The following GPAT2 variants were observed in gnomAD, a reference collection of about 807,000 sequenced individuals.
GPAT2 encodes glycerol-3-phosphate acyltransferase 2, mitochondrial, also known as 1-acylglycerol-3-phosphate O-acyltransferase GPAT2.
GPAT2 carries 51 observed loss-of-function variants against 71.0 expected under a neutral mutation model. The ratio of observed to expected loss-of-function variants is 0.72; its 90% confidence interval spans 0.57 to 0.91. The LOEUF is 0.91. GPAT2 is among the 40% of genes least tolerant of loss of function. The pLI is 0.00. For synonymous variants in GPAT2, 222 were observed against 290.3 expected, an observed-to-expected ratio of 0.76 and a Z score of 2.39; for missense variants, 511 against 666.0, an observed-to-expected ratio of 0.77 and a Z score of 2.56.
At position 96,032,383 on chromosome 2, in the gene GPAT2, C is replaced by A; in HGVS notation, c.-24G>T. Reference sequence around the variant, plus strand: ...ATGAGAGCCTAGAAGAACCATGAACCAGTCACCTCTGGCACTCTCCTTCTC... The same window carrying A: ...ATGAGAGCCTAGAAGAACCATGAACAAGTCACCTCTGGCACTCTCCTTCTC... On this transcript the variant is annotated 5_prime_UTR_variant, in exon 2 of 22. Coordinates refer to ENST00000434632, the MANE Select transcript of GPAT2 (RefSeq NM_001321527.2). The A allele has an allele frequency of 1.8e-6, 2 of 1,138,912 alleles. No individual in the cohort carries two copies. Among genetic ancestry groups the A allele is most frequent in the African/African-American group, 2.2e-5 (1 of 45,276 alleles). 70.6% of individuals were successfully genotyped at this position (1,138,912 alleles called of 1,614,324 possible). A position where few individuals can be genotyped will look rare whatever the true frequency, so the allele number is the denominator to read the frequency against.
At chr2:96,022,599 G>A in intron 21 of GPAT2, 69 bp downstream of exon 21, 1 of 1,502,456 alleles carries the variant, frequency 6.7e-7, no homozygotes, top group Non-Finnish European at 9.3e-7. Context: ...GACATAGCTG[G>A]GTTTCCCTGA....
intron 13 of GPAT2, 160 bp from the exon 14 acceptor site, chr2:96,025,003 A>C (rs1476393825): frequency 1.2e-6 from 1 of 822,950 alleles, no homozygotes; most frequent in South Asian, 1.6e-5. Flanking sequence ...ACAGGCTGAG[A>C]GCAGGCCAGG....
chr2:96,023,445 G>A lies in GPAT2; in HGVS notation c.1915-5C>T. 2 of 1,613,866 alleles carry A rather than the reference G, an allele frequency of 1.2e-6. No individual in the cohort carries two copies. The highest frequency in any genetic ancestry group is 1.7e-6 in the Non-Finnish European group (2 of 1,180,016). ...GGCTGGCCGGGAGCCTGGGGTCTAGGGGCCGTGGAGCCATTGTTCTCTGAC... is the reference window on the plus strand; with the variant it reads ...GGCTGGCCGGGAGCCTGGGGTCTAGAGGCCGTGGAGCCATTGTTCTCTGAC... On this transcript the variant is annotated splice_region_variant and splice_polypyrimidine_tract_variant and intron_variant, in intron 17 of 21. Transcript: ENST00000434632.
chr2:96,023,513 T>A (rs1367115246), intron 17 of GPAT2, 73 bp from the exon 18 acceptor site: 9 of 1,522,214 alleles, frequency 5.9e-6, no homozygotes, highest in Non-Finnish European at 8.2e-6. Context: ...ACCAGGTACA[T>A]GCAGGTGAAA....
At position 96,024,633 on chromosome 2, in the gene GPAT2, A is replaced by G. The variant is rs545394309; in HGVS notation, c.1481T>C (p.Ile494Thr). The change falls in exon 15 of 22, where the codon ATA (isoleucine) becomes ACA (threonine). Residue 494 changes from isoleucine to threonine, a missense_variant. Coordinates refer to ENST00000434632, the MANE Select transcript of GPAT2 (RefSeq NM_001321527.2). ...LGEFSWLTEE[I>T]LLRGFDVGFS... ...GCCTACATCAAAGCCACGCAACAGT[A>G]TCTCCTCCGTCAGCCAGGAGAACTC... 14 of 1,613,790 alleles carry G rather than the reference A, an allele frequency of 8.7e-6. No individual in the cohort carries two copies. In the African/African-American group the frequency reaches 9.3e-5, roughly 11 times the overall value.
intron 20 of GPAT2, 54 bp from the exon 21 acceptor site, chr2:96,022,777 G>A (rs2104593929): frequency 6.2e-7 from 1 of 1,613,958 alleles, no homozygotes; most frequent in South Asian, 1.1e-5. Flanking sequence ...AGAGCCACTG[G>A]GCACAGGCTT....
rs1679733217 is a variant in GPAT2 at position 96,022,089 on chromosome 2, A to G, written c.*70T>C. The G allele has an allele frequency of 6.4e-7, 1 of 1,557,604 alleles. No individual in the cohort carries two copies. The highest frequency in any genetic ancestry group is 8.7e-7 in the Non-Finnish European group (1 of 1,152,980). On this transcript the variant is annotated 3_prime_UTR_variant, in exon 22 of 22. Transcript: ENST00000434632. ...GCTAAGGGTTTGCAGCCTCCTCTCC[A>G]TCTTCTGGCTCTAGGACACAGCTGT... is the stretch of plus-strand genomic sequence containing the variant.
chr2:96,033,975 A>C (rs1277884748), intron 1 of GPAT2, among the ~76,000 whole-genome samples: 1 of 151,476 alleles, frequency 6.6e-6, no homozygotes, highest in Non-Finnish European at 1.5e-5. Context: ...ATATATACAC[A>C]CACATATATA....
At position 96,024,763 on chromosome 2, in the gene GPAT2, C is replaced by T; in HGVS notation, c.1428+10G>A. On this transcript the variant is annotated intron_variant, in intron 14 of 21. Coordinates refer to ENST00000434632, the MANE Select transcript of GPAT2 (RefSeq NM_001321527.2). ...CACCGCCCAGGTCCCCACCACATTG[C>T]ACCCCCTACCTTCTGATGCTTGAAG... is the stretch of plus-strand genomic sequence containing the variant. The T allele has an allele frequency of 1.9e-6, 3 of 1,613,964 alleles. No individual in the cohort carries two copies. The highest frequency in any genetic ancestry group is 1.1e-5 in the South Asian group (1 of 91,080).
intron 21 of GPAT2, 109 bp downstream of exon 21, chr2:96,022,559 A>G (rs531103300): frequency 2.5e-4 from 288 of 1,152,446 alleles, no homozygotes; most frequent in Non-Finnish European, 3.5e-4. Context: ...TTAATGAGGC[A>G]CCATCAGGCC....
rs772964292 is a variant in GPAT2, at chr2:96,022,981, G to A, written c.2210C>T (p.Thr737Ile). The change falls in exon 20 of 22, where the codon ACC becomes ATC. Residue 737 changes from threonine to isoleucine, a missense_variant. Coordinates refer to ENST00000434632, the MANE Select transcript of GPAT2 (RefSeq NM_001321527.2). ...ACCGAAGATCCCTTCTTCCTGGGCG[G>A]TGGCCTGCAGGAACTGGAACAGCTG... is the stretch of plus-strand genomic sequence containing the variant. The part of the protein sequence containing the change: ...TEQLFQFLQA[T>I]AQEEGIFECA... The A allele has an allele frequency of 2.7e-5, 43 of 1,613,824 alleles. No homozygotes were observed. The highest frequency in any genetic ancestry group is 3.3e-4 in the Middle Eastern group (2 of 6,078).
rs1306277545 is a variant in GPAT2 at position 96,024,418 on chromosome 2, A to G, written c.1687+9T>C. 3 of 1,613,292 alleles carry G rather than the reference A, an allele frequency of 1.9e-6. No individual in the cohort carries two copies. Among genetic ancestry groups the G allele is most frequent in the Non-Finnish European group, 2.5e-6 (3 of 1,179,458 alleles). On this transcript the variant is annotated intron_variant, in intron 15 of 21. Coordinates refer to ENST00000434632, the MANE Select transcript of GPAT2 (RefSeq NM_001321527.2). ...ACATCCCACCTACCCCGTGCACCTCAAGACTCACCGCCCACAGCCTCGCTC... is the reference window on the plus strand; with the variant it reads ...ACATCCCACCTACCCCGTGCACCTCGAGACTCACCGCCCACAGCCTCGCTC...
rs370880365 is a variant in GPAT2, at chr2:96,024,165, A to G, written c.1836+24T>C. 20 of 1,496,892 alleles carry G rather than the reference A, an allele frequency of 1.3e-5. No individual in the cohort carries two copies. In the African/African-American group the frequency reaches 2.8e-4, roughly 21 times the overall value. 92.7% of individuals were successfully genotyped at this position (1,496,892 alleles called of 1,614,324 possible). On this transcript the variant is annotated intron_variant, in intron 16 of 21. Coordinates refer to ENST00000434632, the MANE Select transcript of GPAT2 (RefSeq NM_001321527.2). ...ACCAAGAGGGGAAGGCCTAGGACCA[A>G]GTGGGCCGTAGGGGAGGCCTGACCT...
Position 96,025,992 on chromosome 2 carries a change from T to G in GPAT2, c.1176A>C (p.Arg392Ser). The G allele has an allele frequency of 6.2e-7, 1 of 1,612,788 alleles. No homozygotes were observed. The highest frequency in any genetic ancestry group is 8.5e-7 in the Non-Finnish European group (1 of 1,179,784). Residue 392 changes from arginine to serine, a missense_variant, in exon 12 of 22, where the codon AGA (arginine) becomes AGC (serine). By Grantham distance (110) the Arg-to-Ser change is moderately radical. Around this residue, in one of 7 missense-constraint regions of GPAT2, gnomAD observed 79 missense variants for 111.4 expected, o/e 0.71. Coordinates refer to ENST00000434632, the MANE Select transcript of GPAT2 (RefSeq NM_001321527.2). Reference protein sequence around the residue: ...FSLQEYIVSARSCWGGRQTLE... With the variant: ...FSLQEYIVSASSCWGGRQTLE... Reference sequence around the variant, plus strand: ...GGGTCTGTCTGCCGCCCCAGCAGCTTCTGGCACTGACGATGTATTCCTGCC... The same window carrying G: ...GGGTCTGTCTGCCGCCCCAGCAGCTGCTGGCACTGACGATGTATTCCTGCC...
intron 10 of GPAT2, 155 bp from the exon 11 acceptor site, chr2:96,026,460 G>A: frequency 3.4e-6 from 2 of 593,532 alleles, no homozygotes; most frequent in Non-Finnish European, 5.1e-6. Context: ...CTTGTCCCAA[G>A]CTCCTCTTTC....
intron 1 of GPAT2, 76 bp from the exon 2 acceptor site, chr2:96,032,495 A>AC: frequency 2.1e-6 from 2 of 931,174 alleles, no homozygotes; most frequent in African/African-American, 3.0e-5. Context: ...GGTAACTGCA[A>AC]CCCCCCATCA....
At chr2:96,026,050 C>G (rs1440397527) in intron 11 of GPAT2, 38 bp from the exon 12 acceptor site, 3 of 1,608,986 alleles carry the variant, frequency 1.9e-6, no homozygotes, top group Non-Finnish European at 2.5e-6. Context: ...CTGCTCGGGC[C>G]CACCAGGAAA....
chr2:96,024,625 G>T lies in GPAT2; in HGVS notation c.1489C>A (p.Arg497Ser), dbSNP rs761549572. Reference protein sequence around the residue: ...FSWLTEEILLRGFDVGFSGQL... With the variant: ...FSWLTEEILLSGFDVGFSGQL... ...CCAGAGAAGCCTACATCAAAGCCAC[G>T]CAACAGTATCTCCTCCGTCAGCCAG... The change falls in exon 15 of 22, where the codon CGT (arginine) becomes AGT (serine). Residue 497 changes from arginine to serine, a missense_variant. This residue lies in a region of GPAT2 where 295 missense variants were observed against 305.5 expected (regional missense o/e 0.97). Coordinates refer to ENST00000434632, the MANE Select transcript of GPAT2 (RefSeq NM_001321527.2). 6 of 1,613,886 alleles carry T rather than the reference G, an allele frequency of 3.7e-6. No individual in the cohort carries two copies. Among genetic ancestry groups the T allele is most frequent in the Non-Finnish European group, 5.1e-6 (6 of 1,179,936 alleles).
chr2:96,032,043 G>A lies in GPAT2; in HGVS notation c.167C>T (p.Pro56Leu). Residue 56 changes from proline to leucine, a missense_variant, in exon 3 of 22, where the codon CCC becomes CTC. This residue lies in a region of GPAT2 where 21 missense variants were observed against 71.6 expected (regional missense o/e 0.29). Transcript: ENST00000434632. ...CCTACCATCACTCACCCAGCTCTTG[G>A]GGGTGCAGGTCTGGCAACAGCGACC... is the stretch of plus-strand genomic sequence containing the variant. ...FVGRCCQTCT[P>L]KSWESLFHRS... 6.5e-7 allele frequency: 1 copy of A among 1,538,570 alleles called. No homozygotes were observed. The highest frequency in any genetic ancestry group is 8.9e-7 in the Non-Finnish European group (1 of 1,123,956).
Sources: allele counts gnomAD v4.1 joint callset (sites outside exome capture counted in the v4.1 genomes callset), GRCh38; gene constraint gnomAD v4.1.1; regional missense constraint gnomAD v4.1.1; transcripts MANE v1.5; gene names NCBI Gene and HGNC (gene_info 2026-07-23, HGNC 2026-07-21).